The following RAP1GDS1 variants were observed in gnomAD, a reference collection of about 807,000 sequenced individuals.
RAP1GDS1 encodes the protein RAP1, GTP-GDP dissociation stimulator 1.
Under a neutral mutation model 71.1 loss-of-function variants are expected in RAP1GDS1, and 35 were observed. The ratio of observed to expected loss-of-function variants is 0.49; its 90% CI spans 0.38 to 0.65. The LOEUF is 0.65. Ranked by LOEUF, RAP1GDS1 falls within the 30% of genes least tolerant of loss-of-function variation. The pLI is 0.00. For missense variants in RAP1GDS1, 663 were observed against 706.1 expected, an observed-to-expected ratio of 0.94 and a Z score of 0.69; for synonymous variants, 229 against 243.1, an observed-to-expected ratio of 0.94 and a Z score of 0.54.
At position 98,392,071 on chromosome 4, in the gene RAP1GDS1, G is replaced by A. The variant is rs1054252402; in HGVS notation, c.628G>A (p.Ala210Thr). ...EMCLVAFGNL[A>T]ELESSKEQFA... ...GTGTCTTGTTGCATTTGGTAATTTAGCAGAACTTGGTAAGTCTTAGTCATG... is the reference window on the plus strand; with the variant it reads ...GTGTCTTGTTGCATTTGGTAATTTAACAGAACTTGGTAAGTCTTAGTCATG... The change falls in exon 6 of 15, where the codon GCA becomes ACA. Residue 210 changes from alanine to threonine, a missense_variant. Physicochemically the swap from Ala to Thr is moderately conservative, Grantham distance 58. Coordinates refer to ENST00000408927, the MANE Select transcript of RAP1GDS1 (RefSeq NM_001100427.2). 6 of 1,611,500 alleles carry A rather than the reference G, an allele frequency of 3.7e-6. No individual in the cohort carries two copies. The highest frequency in any genetic ancestry group is 5.1e-6 in the Non-Finnish European group (6 of 1,178,992).
At chr4:98,388,053 T>G (rs1314667145) in intron 5 of RAP1GDS1, among the ~76,000 whole-genome samples, 1 of 152,178 alleles carries the variant, frequency 6.6e-6, no homozygotes, top group Non-Finnish European at 1.5e-5. Flanking sequence ...CTTTGGGCAA[T>G]AAAAAAGATG....
intron 4 of RAP1GDS1, among the ~76,000 whole-genome samples, chr4:98,377,031 T>C (rs1253965353): frequency 6.6e-6 from 1 of 151,980 alleles, no homozygotes; most frequent in Non-Finnish European, 1.5e-5. Flanking sequence ...CAGCTTTCAT[T>C]CACAGTTCAT....
At chr4:98,319,655 C>A (rs548217444) in intron 2 of RAP1GDS1, among the ~76,000 whole-genome samples, 3 of 151,998 alleles carry the variant, frequency 2.0e-5, no homozygotes, top group South Asian at 2.1e-4. Flanking sequence ...GTGGTGCACA[C>A]CTATAATCCC....
At chr4:98,294,057 T>A (rs1405750731) in intron 2 of RAP1GDS1, among the ~76,000 whole-genome samples, 1 of 152,192 alleles carries the variant, frequency 6.6e-6, no homozygotes, top group African/African-American at 2.4e-5. Context: ...TTATCTTTGA[T>A]GTGATAAATA....
At chr4:98,311,632 G>A (rs1042321131) in intron 2 of RAP1GDS1, among the ~76,000 whole-genome samples, 5 of 152,250 alleles carry the variant, frequency 3.3e-5, no homozygotes, top group African/African-American at 1.2e-4. Flanking sequence ...TTATGTGTGT[G>A]TGCACATGTA....
intron 2 of RAP1GDS1, among the ~76,000 whole-genome samples, chr4:98,342,632 A>T (rs371525868): frequency 6.6e-6 from 1 of 152,142 alleles, no homozygotes; most frequent in African/African-American, 2.4e-5. Flanking sequence ...TGCATGAAAA[A>T]CATAGGAGTC....
At chr4:98,375,182 T>C (rs1254526995) in intron 4 of RAP1GDS1, among the ~76,000 whole-genome samples, 1 of 152,134 alleles carries the variant, frequency 6.6e-6, no homozygotes, top group Non-Finnish European at 1.5e-5. Context: ...TTTTGCCTCT[T>C]TGTAGCTTCT....
intron 1 of RAP1GDS1, among the ~76,000 whole-genome samples, chr4:98,292,303 T>G (rs898642035): frequency 6.6e-6 from 1 of 152,010 alleles, no homozygotes; most frequent in Non-Finnish European, 1.5e-5. Flanking sequence ...AATTTTTTTA[T>G]TTTTATTTTT....
intron 7 of RAP1GDS1, among the ~76,000 whole-genome samples, chr4:98,416,374 T>C (rs1748017567): frequency 8.5e-6 from 1 of 118,320 alleles, no homozygotes; most frequent in Admixed American, 1.1e-4. Flanking sequence ...TGAGACAGAG[T>C]CTCGCTCTAT....
chr4:98,428,709 C>T (rs565425135), intron 12 of RAP1GDS1, among the ~76,000 whole-genome samples: 1 of 152,074 alleles, frequency 6.6e-6, no homozygotes, highest in Non-Finnish European at 1.5e-5. Context: ...GGCATGGATG[C>T]AGTGAATAGG....
intron 6 of RAP1GDS1, among the ~76,000 whole-genome samples, chr4:98,403,521 C>T (rs1560966679): frequency 6.6e-6 from 1 of 152,114 alleles, no homozygotes; most frequent in African/African-American, 2.4e-5. Flanking sequence ...TCAAAAGCCC[C>T]TTTTTGGTAT....
At chr4:98,372,398 C>G (rs1023118244) in intron 4 of RAP1GDS1, among the ~76,000 whole-genome samples, 2 of 152,146 alleles carry the variant, frequency 1.3e-5, no homozygotes, top group Admixed American at 1.3e-4. Flanking sequence ...AACTCCTGAC[C>G]TGAAGTGATC....
chr4:98,350,516 G>T, intron 3 of RAP1GDS1, among the ~76,000 whole-genome samples: 1 of 152,094 alleles, frequency 6.6e-6, no homozygotes. Context: ...ACACCAGCCA[G>T]GGCAGCATAG....
At chr4:98,301,365 G>C (rs1426429088) in intron 2 of RAP1GDS1, among the ~76,000 whole-genome samples, 1 of 152,100 alleles carries the variant, frequency 6.6e-6, no homozygotes, top group Admixed American at 6.5e-5. Flanking sequence ...CAACTAAAAA[G>C]ACATTGACAA....
intron 3 of RAP1GDS1, among the ~76,000 whole-genome samples, chr4:98,346,581 G>A (rs1736312967): frequency 6.6e-6 from 1 of 151,198 alleles, no homozygotes; most frequent in African/African-American, 2.4e-5. Flanking sequence ...TTGAGAGGGA[G>A]TCGCCCAGGC....
At chr4:98,426,915 A>G (rs1426469387) in intron 12 of RAP1GDS1, among the ~76,000 whole-genome samples, 1 of 152,156 alleles carries the variant, frequency 6.6e-6, no homozygotes, top group Non-Finnish European at 1.5e-5. Flanking sequence ...GGACATAACA[A>G]AAAAAGAAAA....
chr4:98,281,516 G>T (rs542838466), intron 1 of RAP1GDS1, among the ~76,000 whole-genome samples: 2 of 152,266 alleles, frequency 1.3e-5, no homozygotes, highest in Admixed American at 6.5e-5. Flanking sequence ...GGGCTGAGAT[G>T]ATGGGGTTTT....
At chr4:98,304,736 G>A (rs975979705) in intron 2 of RAP1GDS1, among the ~76,000 whole-genome samples, 2 of 152,060 alleles carry the variant, frequency 1.3e-5, no homozygotes, top group Non-Finnish European at 2.9e-5. Context: ...TGTTGCAATT[G>A]CTTTTGATGT....
intron 4 of RAP1GDS1, among the ~76,000 whole-genome samples, chr4:98,353,647 A>T (rs1049139016): frequency 6.6e-6 from 1 of 152,190 alleles, no homozygotes; most frequent in African/African-American, 2.4e-5. Context: ...AATAGCCATA[A>T]GTATTGAAAT....
Sources: allele counts gnomAD v4.1 joint callset (sites outside exome capture counted in the v4.1 genomes callset), GRCh38; gene constraint gnomAD v4.1.1; transcripts MANE v1.5; gene names NCBI Gene and HGNC (gene_info 2026-07-23, HGNC 2026-07-21).